The following MGAT4C variants were observed in gnomAD, a reference collection of about 807,000 sequenced individuals.
MGAT4C encodes alpha-1,3-mannosyl-glycoprotein 4-beta-N-acetylglucosaminyltransferase C.
MGAT4C carries 19 observed loss-of-function variants against 40.1 expected under a neutral mutation model. The ratio of observed to expected loss-of-function variants is 0.47; its 90% CI spans 0.33 to 0.70. The LOEUF (loss-of-function observed/expected upper bound fraction) is 0.70, where lower values mean the gene tolerates loss of function less well. Ranked by LOEUF, MGAT4C falls within the 30% of genes least tolerant of loss-of-function variation. The pLI, the probability that MGAT4C is intolerant of heterozygous loss-of-function variation, is 0.02. For synonymous variants in MGAT4C, 181 were observed against 187.1 expected (o/e 0.97, Z 0.27); for missense variants, 491 against 563.2 (o/e 0.87, Z 1.30).
intron 4 of MGAT4C, among the ~76,000 whole-genome samples, chr12:86,305,141 G>T (rs992122069): frequency 1.3e-5 from 2 of 150,566 alleles, no homozygotes; most frequent in Non-Finnish European, 2.9e-5. Flanking sequence ...TGAATAGTAA[G>T]TTAAGAAACG....
intron 2 of MGAT4C, among the ~76,000 whole-genome samples, chr12:86,654,110 T>C (rs1230439279): frequency 1.3e-5 from 2 of 151,932 alleles, no homozygotes; most frequent in Non-Finnish European, 2.9e-5. Flanking sequence ...TCACTACACT[T>C]CCACAATTTT....
intron 2 of MGAT4C, among the ~76,000 whole-genome samples, chr12:86,517,268 G>A (rs771199824): frequency 6.6e-6 from 1 of 152,144 alleles, no homozygotes; most frequent in African/African-American, 2.4e-5. Context: ...TTTTAAAAGA[G>A]TGAGTTTTAT....
At chr12:86,691,785 CAT>C (rs1423604261) in intron 2 of MGAT4C, among the ~76,000 whole-genome samples, 8 of 151,854 alleles carry the variant, frequency 5.3e-5, no homozygotes, top group Admixed American at 1.3e-4. Flanking sequence ...ACAATATAAA[CAT>C]ATTTATAGGA....
At chr12:86,072,371 C>A (rs753656252) in intron 1 of MGAT4C, among the ~76,000 whole-genome samples, 9 of 151,468 alleles carry the variant, frequency 5.9e-5, no homozygotes, top group African/African-American at 2.2e-4. Flanking sequence ...AATTCCAGGT[C>A]AAACCATGCT....
intron 1 of MGAT4C, among the ~76,000 whole-genome samples, chr12:86,121,688 G>A (rs559959306): frequency 1.3e-5 from 2 of 152,278 alleles, no homozygotes; most frequent in African/African-American, 4.8e-5. Context: ...TTACAGACAA[G>A]CAAATGCTGA....
At chr12:86,375,089 G>A (rs752434636) in intron 3 of MGAT4C, among the ~76,000 whole-genome samples, 5 of 151,954 alleles carry the variant, frequency 3.3e-5, no homozygotes, top group Admixed American at 6.6e-5. Flanking sequence ...GTTACTCTTT[G>A]TCACTCAATT....
chr12:86,252,606 A>G (rs1952345538), intron 1 of MGAT4C, among the ~76,000 whole-genome samples: 1 of 152,078 alleles, frequency 6.6e-6, no homozygotes, highest in East Asian at 1.9e-4. Flanking sequence ...AGTAGCTACC[A>G]AGACAGTGAA....
chr12:86,796,546 G>A (rs1952125261), intron 1 of MGAT4C, among the ~76,000 whole-genome samples: 1 of 151,928 alleles, frequency 6.6e-6, no homozygotes, highest in Non-Finnish European at 1.5e-5. Context: ...CCAGGGGCTG[G>A]AAAGACATTG....
intron 3 of MGAT4C, among the ~76,000 whole-genome samples, chr12:86,427,644 C>A (rs1956955121): frequency 6.6e-6 from 1 of 152,106 alleles, no homozygotes; most frequent in Non-Finnish European, 1.5e-5. Flanking sequence ...TCCATTTATA[C>A]TTGTGGAAAT....
At chr12:86,240,177 T>C (rs578051454) in intron 1 of MGAT4C, among the ~76,000 whole-genome samples, 105 of 150,138 alleles carry the variant, frequency 7.0e-4, no homozygotes, top group African/African-American at 2.3e-3. Context: ...CACACACACA[T>C]ACACACACAT....
chr12:86,158,146 C>T lies in MGAT4C; in HGVS notation c.-57+98093G>A, dbSNP rs551195411. Among the ~76,000 whole-genome samples the T allele has an allele frequency of 1.0e-3, 156 of 152,078 alleles. 3 individuals carry two copies. The highest frequency in any genetic ancestry group is 9.0e-4 in the Non-Finnish European group (61 of 67,970). On this transcript the variant is annotated intron_variant, in intron 1 of 4. Coordinates refer to ENST00000611864, the MANE Select transcript of MGAT4C (RefSeq NM_001351288.2). ...ATATCTCCTTCTAATAAATCACAAC[C>T]CTTTGAGGGCAGGCAAGGATCATAA...
At chr12:86,308,266 A>C (rs1273116386) in intron 4 of MGAT4C, among the ~76,000 whole-genome samples, 1 of 150,590 alleles carries the variant, frequency 6.6e-6, no homozygotes, top group African/African-American at 2.5e-5. Context: ...TTGTTCCTTT[A>C]GAAAAGAATT....
At chr12:86,149,562 C>T (rs61932272) in intron 1 of MGAT4C, among the ~76,000 whole-genome samples, 11,986 of 152,180 alleles carry the variant, frequency 0.079, 658 homozygotes, top group Middle Eastern at 0.22. Context: ...TTTTATACAG[C>T]GCCTAGTAAC....
At chr12:86,422,484 G>C (rs1262780963) in intron 3 of MGAT4C, among the ~76,000 whole-genome samples, 1 of 152,112 alleles carries the variant, frequency 6.6e-6, no homozygotes. Flanking sequence ...CTTAAAGCTT[G>C]CTACAGCTTA....
chr12:86,277,721 T>C (rs1953111507), intron 4 of MGAT4C, among the ~76,000 whole-genome samples: 1 of 152,160 alleles, frequency 6.6e-6, no homozygotes, highest in African/African-American at 2.4e-5. Context: ...ATGGATTTCT[T>C]TCTGGGTTCT....
rs187345259 is a variant in MGAT4C, at chr12:86,246,213, T to C, written c.-57+10026A>G. ...TTTTTTTTTTTTTTTTGAGACAGAG[T>C]CTCGCTCAGTTGCCAAGGCTGGAGC... On this transcript the variant is annotated intron_variant, in intron 1 of 4. Transcript: ENST00000611864. Among the ~76,000 whole-genome samples, 663 of 127,828 alleles carry C rather than the reference T, an allele frequency of 5.2e-3. 27 individuals are homozygous for C. In the South Asian group the frequency reaches 0.11, roughly 21 times the overall value. The allele number at this position is 127,828 out of a possible 152,430, so 83.9% of individuals were successfully genotyped here.
chr12:86,273,966 G>T (rs372157699), intron 4 of MGAT4C, among the ~76,000 whole-genome samples: 42 of 152,250 alleles, frequency 2.8e-4, no homozygotes, highest in African/African-American at 1.0e-3. Context: ...GGCTTAACTG[G>T]TTGACAGTTC....
At chr12:86,294,653 C>A (rs1022388521) in intron 4 of MGAT4C, among the ~76,000 whole-genome samples, 38 of 152,204 alleles carry the variant, frequency 2.5e-4, no homozygotes, top group African/African-American at 8.4e-4. Context: ...AAGTTTTTAT[C>A]TCTGGTTTGT....
At chr12:85,980,465 A>T (rs1884461039) in intron 4 of MGAT4C, 35 bp from the exon 5 acceptor site, 1 of 1,512,146 alleles carries the variant, frequency 6.6e-7, no homozygotes, top group South Asian at 1.3e-5. Context: ...TACAAATGTG[A>T]ACTAGAAATA....
Sources: gnomAD v4.1 joint callset for allele counts (sites outside exome capture counted in the v4.1 genomes callset) on GRCh38, gnomAD v4.1.1 for gene constraint, MANE v1.5 for transcripts, NCBI Gene and HGNC (gene_info 2026-07-23, HGNC 2026-07-21) for gene names.